The following FKBP3 variants were observed in gnomAD, a reference collection of about 807,000 sequenced individuals.
FKBP3 encodes peptidyl-prolyl cis-trans isomerase FKBP3.
Under a neutral mutation model 30.6 loss-of-function variants are expected in FKBP3, and 21 were observed. That is an observed-to-expected ratio of 0.69 (90% CI 0.49 to 0.99). FKBP3 has a LOEUF of 0.99. Ranked by LOEUF, FKBP3 falls within the 50% of genes least tolerant of loss-of-function variation. The pLI, the probability that FKBP3 is intolerant of heterozygous loss-of-function variation, is 0.00. For missense variants in FKBP3, 283 were observed against 261.6 expected (o/e 1.08, Z -0.56); for synonymous variants, 82 against 91.3 (o/e 0.90, Z 0.58).
chr14:45,124,986 G>A (rs1885066758), intron 3 of FKBP3, among the ~76,000 whole-genome samples: 1 of 151,624 alleles, frequency 6.6e-6, no homozygotes, highest in African/African-American at 2.4e-5. Context: ...GTGTGATCTC[G>A]GCTCACTGCA....
intron 6 of FKBP3, 142 bp from the exon 7 acceptor site, chr14:45,116,394 G>A: frequency 1.8e-6 from 1 of 563,908 alleles, no homozygotes; most frequent in East Asian, 2.8e-5. Flanking sequence ...TGCTTTACAA[G>A]TACTCCTAAA....
At chr14:45,117,983 G>C in intron 6 of FKBP3, 45 bp downstream of exon 6, 3 of 1,053,634 alleles carry the variant, frequency 2.8e-6, no homozygotes, top group Non-Finnish European at 4.0e-6. Context: ...TGATCTAGAC[G>C]TTTTTTTTTT....
At position 45,129,799 on chromosome 14, in the gene FKBP3, C is replaced by A; in HGVS notation, c.313G>T (p.Asp105Tyr). 1.3e-6 allele frequency: 2 copies of A among 1,592,916 alleles called. No individual in the cohort carries two copies. Among genetic ancestry groups the A allele is most frequent in the Admixed American group, 1.7e-5 (1 of 59,202 alleles). The change falls in exon 3 of 7, where the codon GAT becomes TAT. Residue 105 changes from aspartate (D) to tyrosine (Y), a missense_variant. Physicochemically the swap from Asp to Tyr is radical, Grantham distance 160. Coordinates refer to ENST00000396062, the MANE Select transcript of FKBP3 (RefSeq NM_002013.4). ...PKETKSEETL[D>Y]EGPPKYTKSV... The stretch of plus-strand genomic sequence containing the variant: ...AAAAATAATTATATACAGACCTCAT[C>A]CAGGGTCTCTTCAGACTTGGTTTCT...
intron 3 of FKBP3, among the ~76,000 whole-genome samples, chr14:45,127,252 T>G (rs1455909022): frequency 6.6e-6 from 1 of 151,852 alleles, no homozygotes; most frequent in Non-Finnish European, 1.5e-5. Flanking sequence ...TAGCTGGGAT[T>G]ACAGGTGTGC....
chr14:45,121,668 C>A, intron 3 of FKBP3, 48 bp from the exon 4 acceptor site: 1 of 1,579,792 alleles, frequency 6.3e-7, no homozygotes, highest in South Asian at 1.1e-5. Flanking sequence ...AATTTGTGTC[C>A]TTTAAAAGAA....
intron 3 of FKBP3, among the ~76,000 whole-genome samples, chr14:45,122,147 G>C (rs1467137225): frequency 1.3e-5 from 2 of 151,978 alleles, no homozygotes; most frequent in Admixed American, 1.3e-4. Flanking sequence ...GCTATAACAG[G>C]CATATTTCCT....
intron 3 of FKBP3, among the ~76,000 whole-genome samples, chr14:45,122,012 A>G (rs1440843100): frequency 6.6e-6 from 1 of 152,228 alleles, no homozygotes; most frequent in African/African-American, 2.4e-5. Flanking sequence ...GAACTGTTTT[A>G]GCAGCAATAA....
chr14:45,117,878 C>A, intron 6 of FKBP3, 150 bp downstream of exon 6: 1 of 619,692 alleles, frequency 1.6e-6, no homozygotes, highest in Non-Finnish European at 2.8e-6. Flanking sequence ...ATTGGAGGTG[C>A]TGACACATAA....
In FKBP3 at chr14:45,127,115, C is replaced by CTTTTTTTTTTTTTTTTTTTTTTTTT. The variant is rs1231283034; in HGVS notation, c.318+2678_318+2679insAAAAAAAAAAAAAAAAAAAAAAAAA. 4.9e-4 allele frequency among the ~76,000 whole-genome samples: 59 copies of CTTTTTTTTTTTTTTTTTTTTTTTTT among 120,656 alleles called. 6 individuals carry two copies. The highest frequency in any genetic ancestry group is 1.7e-3 in the African/African-American group (47 of 26,982). The allele number at this position is 120,656 out of a possible 152,430, so 79.2% of individuals were successfully genotyped here. On this transcript the variant is annotated intron_variant, in intron 3 of 6. Transcript: ENST00000396062. ...AGCCACTGTACCTGACTGACCCTGT[C>CTTTTTTTTTTTTTTTTTTTTTTTTT]TTTTTTTTTTTTTTTGAGACAGAGT...
intron 1 of FKBP3, chr14:45,133,290 A>G (rs1014737170): frequency 7.6e-6 from 2 of 263,168 alleles, no homozygotes; most frequent in Non-Finnish European, 1.6e-5. Context: ...ACACGGTGAA[A>G]TCCCGTCTCT....
At chr14:45,121,037 G>T in intron 4 of FKBP3, 83 bp from the exon 5 acceptor site, 1 of 1,144,454 alleles carries the variant, frequency 8.7e-7, no homozygotes, top group Non-Finnish European at 1.3e-6. Context: ...TTAAATTCCA[G>T]TGGAAAAATA....
rs1344816274 is a variant in FKBP3 at position 45,116,275 on chromosome 14, T to C, written c.621-23A>G. ...ATTCTGTTGAAGAAGTCAAGGTACA[T>C]TTGATAAAAAGTGCCTCTCCCCTAC... On this transcript the variant is annotated intron_variant, in intron 6 of 6. Transcript: ENST00000396062. The C allele has an allele frequency of 1.9e-6, 3 of 1,605,522 alleles. No homozygotes were observed. In the South Asian group the frequency reaches 3.3e-5, roughly 18 times the overall value.
At position 45,130,755 on chromosome 14, in the gene FKBP3, T is replaced by A; in HGVS notation, c.154A>T (p.Lys52Ter). The A allele has an allele frequency of 6.2e-7, 1 of 1,611,352 alleles. No individual in the cohort carries two copies. Among genetic ancestry groups the A allele is most frequent in the South Asian group, 1.1e-5 (1 of 90,438 alleles). ...ACCAAGTGGTCCTTGTTAGCTGTCT[T>A]GGCCACATTTTTAATGTTTCCTAAT... The part of the protein sequence containing the change: ...KLLGNIKNVA[K>*]TANKDHLVTA... The change falls in exon 2 of 7, where the codon AAG becomes TAG. Residue 52 changes from lysine to a stop codon, truncating the protein, a stop_gained. Transcript: ENST00000396062. LOFTEE classifies it high-confidence loss of function.
intron 1 of FKBP3, 47 bp from the exon 2 acceptor site, chr14:45,130,847 G>A: frequency 8.9e-7 from 1 of 1,117,906 alleles, no homozygotes. Flanking sequence ...TCCCGAGTAA[G>A]AAGTGTCTAA....
chr14:45,125,743 C>A (rs1885081554), intron 3 of FKBP3, among the ~76,000 whole-genome samples: 1 of 151,774 alleles, frequency 6.6e-6, no homozygotes, highest in African/African-American at 2.4e-5. Flanking sequence ...GGTAAAAATT[C>A]CAGAGGAAGC....
chr14:45,134,466 C>T lies in FKBP3; in HGVS notation c.-10G>A. ...GAACGGCCGCCGCCATCTTCCCCCG[C>T]TGCCTCCGCTTTACTGAGCCAGCCC... On this transcript the variant is annotated 5_prime_UTR_variant, in exon 1 of 7. Transcript: ENST00000396062. 6.2e-7 allele frequency: 1 copy of T among 1,609,116 alleles called. No individual in the cohort carries two copies. The highest frequency in any genetic ancestry group is 8.5e-7 in the Non-Finnish European group (1 of 1,177,352).
At chr14:45,128,053 G>A (rs970948873) in intron 3 of FKBP3, among the ~76,000 whole-genome samples, 1 of 151,796 alleles carries the variant, frequency 6.6e-6, no homozygotes, top group Non-Finnish European at 1.5e-5. Flanking sequence ...AATGAGAAGG[G>A]AGTCCAGGGG....
intron 1 of FKBP3, among the ~76,000 whole-genome samples, chr14:45,131,737 G>A (rs968318296): frequency 4.6e-5 from 7 of 151,758 alleles, no homozygotes; most frequent in South Asian, 4.2e-4. Context: ...TAATAACAGC[G>A]TCTACGTCAA....
chr14:45,134,152 C>A (rs1226087136), intron 1 of FKBP3, among the ~76,000 whole-genome samples, 197 bp downstream of exon 1: 1 of 152,242 alleles, frequency 6.6e-6, no homozygotes, highest in African/African-American at 2.4e-5. Context: ...TAAAGCTGCT[C>A]CCCTGCCCCA....
Sources: gnomAD v4.1 joint callset for allele counts (sites outside exome capture counted in the v4.1 genomes callset) on GRCh38, gnomAD v4.1.1 for gene constraint, MANE v1.5 for transcripts, NCBI Gene and HGNC (gene_info 2026-07-23, HGNC 2026-07-21) for gene names.